The following USP34 variants were observed in gnomAD, a reference collection of about 807,000 sequenced individuals.
USP34 encodes ubiquitin specific peptidase 34.
Under a neutral mutation model 460.3 loss-of-function variants are expected in USP34, and 70 were observed. That is an observed-to-expected ratio of 0.15 (90% CI 0.13 to 0.19). The LOEUF (loss-of-function observed/expected upper bound fraction) is 0.19, where lower values mean the gene tolerates loss of function less well. USP34 is among the 10% of genes least tolerant of loss of function. USP34 has a pLI of 1.00. For synonymous variants in USP34, 1,647 were observed against 1,405.3 expected (o/e 1.17, Z -3.85); for missense variants, 3,985 against 4,236.2 (o/e 0.94, Z 1.65).
intron 6 of USP34, among the ~76,000 whole-genome samples, chr2:61,381,866 A>G (rs907087034): frequency 2.0e-5 from 3 of 152,200 alleles, no homozygotes; most frequent in African/African-American, 4.8e-5. Flanking sequence ...TAAGTCCCAC[A>G]GGCCTCTCAA....
rs771899774 is a variant in USP34, at chr2:61,331,230, A to G, written c.2930+46T>C. ...ACACTGGAAAATCATCTTTCAAAGG[A>G]AAGACATCGACACAAATGTATTTAA... is the stretch of plus-strand genomic sequence containing the variant. On this transcript the variant is annotated intron_variant, in intron 20 of 79. Coordinates refer to ENST00000398571, the MANE Select transcript of USP34 (RefSeq NM_014709.4). 3.4e-6 allele frequency: 5 copies of G among 1,485,470 alleles called. No homozygotes were observed. The South Asian group carries it at 5.0e-5, about 15-fold the overall frequency. 92.0% of individuals were successfully genotyped at this position (1,485,470 alleles called of 1,614,324 possible).
At chr2:61,261,033 C>T (rs931947780) in intron 43 of USP34, among the ~76,000 whole-genome samples, 1 of 152,156 alleles carries the variant, frequency 6.6e-6, no homozygotes, top group Non-Finnish European at 1.5e-5. Context: ...CAAGTGTTAG[C>T]AAGGACGTCG....
chr2:61,378,788 G>A (rs1050852567), intron 7 of USP34, among the ~76,000 whole-genome samples: 12 of 151,438 alleles, frequency 7.9e-5, no homozygotes, highest in African/African-American at 1.9e-4. Context: ...CGCCTAAAAC[G>A]CGAGCTACTC....
intron 48 of USP34, among the ~76,000 whole-genome samples, chr2:61,252,452 A>G (rs1688612352): frequency 1.3e-5 from 2 of 152,334 alleles, no homozygotes; most frequent in East Asian, 1.9e-4. Context: ...ATCCTATACC[A>G]TAACATATTG....
chr2:61,331,262 T>A lies in USP34; in HGVS notation c.2930+14A>T, dbSNP rs1691253225. The A allele has an allele frequency of 1.9e-6, 3 of 1,589,902 alleles. No individual in the cohort carries two copies. The highest frequency in any genetic ancestry group is 2.6e-6 in the Non-Finnish European group (3 of 1,162,704). ...TCGACACAAATGTATTTAACCCAGTTGAGAGGTACTTACAGTGCATGTTTT... is the reference window on the plus strand; with the variant it reads ...TCGACACAAATGTATTTAACCCAGTAGAGAGGTACTTACAGTGCATGTTTT... On this transcript the variant is annotated intron_variant, in intron 20 of 79. Coordinates refer to ENST00000398571, the MANE Select transcript of USP34 (RefSeq NM_014709.4).
chr2:61,440,797 C>T (rs1017210716), intron 1 of USP34, among the ~76,000 whole-genome samples: 18 of 151,094 alleles, frequency 1.2e-4, no homozygotes, highest in Non-Finnish European at 1.9e-4. Flanking sequence ...GGATTACAGG[C>T]GTAAGGCACC....
intron 20 of USP34, among the ~76,000 whole-genome samples, chr2:61,329,357 T>C (rs921101598): frequency 2.0e-5 from 3 of 152,056 alleles, no homozygotes; most frequent in Admixed American, 6.6e-5. Flanking sequence ...ATAAATGTAA[T>C]GTTTGGATTC....
At chr2:61,410,402 G>A (rs1694003031) in intron 2 of USP34, among the ~76,000 whole-genome samples, 1 of 152,174 alleles carries the variant, frequency 6.6e-6, no homozygotes, top group Non-Finnish European at 1.5e-5. Context: ...TGGAGTTCAG[G>A]TGGTAATGTG....
chr2:61,234,671 C>T (rs1376842207), intron 57 of USP34, among the ~76,000 whole-genome samples: 1 of 152,126 alleles, frequency 6.6e-6, no homozygotes, highest in African/African-American at 2.4e-5. Flanking sequence ...GACAGAGTCT[C>T]ACTCTGTCGC....
At chr2:61,311,419 A>T in intron 27 of USP34, 121 bp downstream of exon 27, 1 of 1,070,752 alleles carries the variant, frequency 9.3e-7, no homozygotes, top group Non-Finnish European at 1.3e-6. Context: ...TTGCTATATG[A>T]TATAACCAAG....
rs200560358 is a variant in USP34 at position 61,311,930 on chromosome 2, A to C, written c.3543-20T>G. On this transcript the variant is annotated intron_variant, in intron 25 of 79. Transcript: ENST00000398571. ...GCAAACCTAAAACATGACACAAACAACACATAGAAAGGATACCATTTTAAA... is the reference window on the plus strand; with the variant it reads ...GCAAACCTAAAACATGACACAAACACCACATAGAAAGGATACCATTTTAAA... The C allele has an allele frequency of 1.2e-6, 2 of 1,609,474 alleles. No homozygotes were observed. The highest frequency in any genetic ancestry group is 1.3e-5 in the African/African-American group (1 of 74,808).
At position 61,227,114 on chromosome 2, in the gene USP34, C is replaced by G. The variant is rs1307304990; in HGVS notation, c.7548G>C (p.Lys2516Asn). Residue 2516 changes from lysine (K) to asparagine (N), a missense_variant, in exon 62 of 80, where the codon AAG (lysine) becomes AAC (asparagine). By Grantham distance (94) the Lys-to-Asn change is moderately conservative. This residue lies in a region of USP34 where 604 missense variants were observed against 684.8 expected (regional missense o/e 0.88). Coordinates refer to ENST00000398571, the MANE Select transcript of USP34 (RefSeq NM_014709.4). ...EEKYRPAALE[K>N]MIALVALLVE... ...CCAAAAGAGCAACTAAAGCTATCAT[C>G]TTTTCAAGGGCAGCTGGCCTGTATT... 6.2e-7 allele frequency: 1 copy of G among 1,613,696 alleles called. No individual in the cohort carries two copies. Among genetic ancestry groups the G allele is most frequent in the Non-Finnish European group, 8.5e-7 (1 of 1,179,930 alleles).
chr2:61,429,129 T>C (rs1450238104), intron 1 of USP34, among the ~76,000 whole-genome samples: 1 of 151,762 alleles, frequency 6.6e-6, no homozygotes, highest in Non-Finnish European at 1.5e-5. Flanking sequence ...TACAAGACAC[T>C]ATCTCTACTA....
intron 1 of USP34, among the ~76,000 whole-genome samples, chr2:61,457,093 T>A (rs1019836803): frequency 6.6e-6 from 1 of 151,942 alleles, no homozygotes; most frequent in African/African-American, 2.4e-5. Flanking sequence ...CTGGGTAACA[T>A]GGTGAAACCC....
intron 1 of USP34, among the ~76,000 whole-genome samples, chr2:61,446,950 C>A (rs988873236): frequency 1.3e-5 from 2 of 152,098 alleles, no homozygotes; most frequent in South Asian, 4.2e-4. Flanking sequence ...CATTTCATTA[C>A]ACAGCATCAG....
chr2:61,429,185 C>T (rs981603020), intron 1 of USP34, among the ~76,000 whole-genome samples: 3 of 152,042 alleles, frequency 2.0e-5, no homozygotes, highest in African/African-American at 7.2e-5. Flanking sequence ...CAGTGGCTCA[C>T]GCCTGTAATC....
intron 5 of USP34, 98 bp from the exon 6 acceptor site, chr2:61,383,434 G>A: frequency 1.2e-6 from 1 of 857,658 alleles, no homozygotes; most frequent in Non-Finnish European, 1.8e-6. Context: ...GCCAGGCACG[G>A]TCGCTCACGC....
intron 37 of USP34, 64 bp downstream of exon 37, chr2:61,283,081 A>G (rs1461211149): frequency 1.9e-6 from 3 of 1,545,358 alleles, no homozygotes; most frequent in Non-Finnish European, 2.6e-6. Flanking sequence ...CTCTTTTATT[A>G]TCAATGCTAA....
chr2:61,194,385 C>T (rs1686733223), intron 75 of USP34, among the ~76,000 whole-genome samples: 4 of 152,202 alleles, frequency 2.6e-5, no homozygotes, highest in Non-Finnish European at 5.9e-5. Context: ...TCCTACGTTC[C>T]CATGTTCCTG....
Sources: allele counts gnomAD v4.1 joint callset (sites outside exome capture counted in the v4.1 genomes callset), GRCh38; gene constraint gnomAD v4.1.1; regional missense constraint gnomAD v4.1.1; transcripts MANE v1.5; gene names NCBI Gene and HGNC (gene_info 2026-07-23, HGNC 2026-07-21).